SYN3: variants seen among roughly 807,000 people sequenced by gnomAD.
SYN3 encodes the protein synapsin III, also known as synapsin-3.
In SYN3, 35 loss-of-function variants were observed where a neutral mutation model predicts 65.8. The ratio of observed to expected loss-of-function variants is 0.53; its 90% CI spans 0.41 to 0.70. The LOEUF (loss-of-function observed/expected upper bound fraction) is 0.70, where lower values mean the gene tolerates loss of function less well. SYN3 is among the 30% of genes least tolerant of loss of function. The pLI, the probability that SYN3 is intolerant of heterozygous loss-of-function variation, is 0.00. For missense variants in SYN3, 680 were observed against 749.0 expected (o/e 0.91, Z 1.08); for synonymous variants, 270 against 292.9 (o/e 0.92, Z 0.80).
intron 6 of SYN3, among the ~76,000 whole-genome samples, chr22:32,741,608 G>A (rs574535407): frequency 1.3e-5 from 2 of 152,024 alleles, no homozygotes; most frequent in East Asian, 3.9e-4. Context: ...GCCTGCCTCG[G>A]CCTCCCAAAG....
intron 7 of SYN3, among the ~76,000 whole-genome samples, chr22:32,555,050 C>A (rs566652331): frequency 6.6e-6 from 1 of 152,294 alleles, no homozygotes; most frequent in African/African-American, 2.4e-5. Context: ...TTTTATACCC[C>A]TAGCACCCAG....
In SYN3 at chr22:32,826,149, C is replaced by T. The variant is rs143935198; in HGVS notation, c.711+38766G>A. On this transcript the variant is annotated intron_variant, in intron 6 of 13. Coordinates refer to ENST00000358763, the MANE Select transcript of SYN3 (RefSeq NM_003490.4). ...CTTAAGTTAAAAAGGAAATAATGAG[C>T]CTGGTGTGGTGGCTCACGCCTGTAA... Among the ~76,000 whole-genome samples, 1,267 of 152,224 alleles carry T rather than the reference C, an allele frequency of 8.3e-3. 19 individuals are homozygous for T. The highest frequency in any genetic ancestry group is 0.029 in the African/African-American group (1,186 of 41,528).
intron 6 of SYN3, chr22:32,859,643 G>T: frequency 2.0e-6 from 1 of 494,790 alleles, no homozygotes; most frequent in Non-Finnish European, 3.6e-6. Context: ...TGAGGAACCT[G>T]TATTCCTCTT....
At chr22:32,642,220 C>T (rs1199161719) in intron 6 of SYN3, among the ~76,000 whole-genome samples, 1 of 151,344 alleles carries the variant, frequency 6.6e-6, no homozygotes, top group Non-Finnish European at 1.5e-5. Flanking sequence ...ACCTGGGAGA[C>T]GGAGGTTGCA....
At chr22:33,025,443 A>T in intron 1 of SYN3, among the ~76,000 whole-genome samples, 1 of 150,702 alleles carries the variant, frequency 6.6e-6, no homozygotes. Flanking sequence ...CAAAAAAAAA[A>T]AAAAAAAAAA....
chr22:33,010,965 T>C (rs922484797), intron 1 of SYN3, among the ~76,000 whole-genome samples: 2 of 152,234 alleles, frequency 1.3e-5, no homozygotes, highest in Non-Finnish European at 2.9e-5. Flanking sequence ...AATTCAAGTA[T>C]TGTTGCTACT....
At chr22:32,925,866 CTT>C (rs34649323) in intron 4 of SYN3, among the ~76,000 whole-genome samples, 3 of 132,716 alleles carry the variant, frequency 2.3e-5, no homozygotes. Context: ...GATAGTTGTT[CTT>C]TTTTTTTTTT....
intron 1 of SYN3, among the ~76,000 whole-genome samples, chr22:33,016,901 G>C (rs1369904184): frequency 6.6e-6 from 1 of 152,076 alleles, no homozygotes; most frequent in Non-Finnish European, 1.5e-5. Context: ...TTTTTAGTTT[G>C]ATGCAATTCC....
chr22:32,740,596 A>G (rs1383568444), intron 6 of SYN3, among the ~76,000 whole-genome samples: 1 of 152,222 alleles, frequency 6.6e-6, no homozygotes, highest in Non-Finnish European at 1.5e-5. Context: ...ACTTGGGGGC[A>G]GAAATGCAGC....
intron 2 of SYN3, among the ~76,000 whole-genome samples, chr22:32,991,623 G>A (rs1044586476): frequency 2.0e-5 from 3 of 152,056 alleles, no homozygotes; most frequent in Non-Finnish European, 4.4e-5. Flanking sequence ...CTTATAGCAG[G>A]GAAATATTTC....
At chr22:32,847,283 C>G (rs548106165) in intron 6 of SYN3, among the ~76,000 whole-genome samples, 6 of 152,260 alleles carry the variant, frequency 3.9e-5, no homozygotes, top group African/African-American at 7.2e-5. Flanking sequence ...GGCTTGTCGC[C>G]GAGAATACTA....
At chr22:33,017,026 G>A (rs1436624515) in intron 1 of SYN3, among the ~76,000 whole-genome samples, 1 of 152,074 alleles carries the variant, frequency 6.6e-6, no homozygotes, top group Non-Finnish European at 1.5e-5. Context: ...TCTTTTAGTA[G>A]TTTTATAGTT....
intron 1 of SYN3, among the ~76,000 whole-genome samples, chr22:33,047,863 CAAAAAAA>C (rs58025351): frequency 5.6e-5 from 3 of 53,554 alleles, no homozygotes; most frequent in Non-Finnish European, 8.3e-5. Flanking sequence ...TTTTCATGTG[CAAAAAAA>C]AAAAAAAAAA....
chr22:32,882,905 C>T (rs150477078), intron 4 of SYN3, among the ~76,000 whole-genome samples: 9 of 152,100 alleles, frequency 5.9e-5, no homozygotes, highest in African/African-American at 1.2e-4. Context: ...GAAGTCCCCC[C>T]GCCCCCCAAC....
chr22:33,055,512 T>C (rs1347389868), intron 1 of SYN3, among the ~76,000 whole-genome samples: 1 of 152,222 alleles, frequency 6.6e-6, no homozygotes, highest in Non-Finnish European at 1.5e-5. Context: ...CCACCCTTCA[T>C]TCATTTCACT....
Position 32,679,839 on chromosome 22 carries a change from C to CTTTTTTTTTTTTTTTTTTTTTTTTTTTT in SYN3, c.712-83104_712-83103insAAAAAAAAAAAAAAAAAAAAAAAAAAAA. ...AAACTGGGTGAGGTTTGTTTTTTGG[C>CTTTTTTTTTTTTTTTTTTTTTTTTTTTT]TTTTTTTTTTTTTTTTTTTGCTATT... On this transcript the variant is annotated intron_variant, in intron 6 of 13. Coordinates refer to ENST00000358763, the MANE Select transcript of SYN3 (RefSeq NM_003490.4). 2.2e-3 allele frequency among the ~76,000 whole-genome samples: 88 copies of CTTTTTTTTTTTTTTTTTTTTTTTTTTTT among 39,152 alleles called. 25 individuals carry two copies. Among genetic ancestry groups the CTTTTTTTTTTTTTTTTTTTTTTTTTTTT allele is most frequent in the Non-Finnish European group, 3.2e-3 (69 of 21,564 alleles). 25.7% of individuals were successfully genotyped at this position (39,152 alleles called of 152,430 possible).
intron 4 of SYN3, among the ~76,000 whole-genome samples, chr22:32,901,918 G>A (rs1332489471): frequency 6.6e-6 from 1 of 152,240 alleles, no homozygotes; most frequent in Admixed American, 6.5e-5. Context: ...CTGAAGGGGA[G>A]GACAGCCCAG....
chr22:32,850,118 GT>G (rs1433565026), intron 6 of SYN3, among the ~76,000 whole-genome samples: 2 of 150,096 alleles, frequency 1.3e-5, no homozygotes, highest in African/African-American at 4.9e-5. Context: ...AGTTAGCAAT[GT>G]TTGCTAAGCA....
intron 6 of SYN3, among the ~76,000 whole-genome samples, chr22:32,661,422 C>G (rs2060214716): frequency 6.6e-6 from 1 of 152,280 alleles, no homozygotes; most frequent in African/African-American, 2.4e-5. Flanking sequence ...GGCCTGGCGG[C>G]CCGCCGTGAC....
Sources: gnomAD v4.1 joint callset for allele counts (sites outside exome capture counted in the v4.1 genomes callset) on GRCh38, gnomAD v4.1.1 for gene constraint, MANE v1.5 for transcripts, NCBI Gene and HGNC (gene_info 2026-07-23, HGNC 2026-07-21) for gene names.